Variants in CCDC175 observed in about 807,000 individuals in gnomAD.
CCDC175 encodes coiled-coil domain-containing protein 175.
CCDC175 carries 100 observed loss-of-function variants against 114.6 expected under a neutral mutation model. The observed-to-expected ratio is 0.87, with a 90% CI of 0.74 to 1.03. The LOEUF (loss-of-function observed/expected upper bound fraction) is 1.03. Ranked by LOEUF, CCDC175 falls within the 50% of genes least tolerant of loss-of-function variation. The pLI, the probability that CCDC175 is intolerant of heterozygous loss-of-function variation, is 0.00. For missense variants in CCDC175, 880 were observed against 917.8 expected (o/e 0.96, Z 0.53); for synonymous variants, 306 against 308.7 (o/e 0.99, Z 0.09).
At chr14:59,526,385 C>T (rs943678932) in intron 15 of CCDC175, among the ~76,000 whole-genome samples, 6 of 152,008 alleles carry the variant, frequency 3.9e-5, no homozygotes, top group Non-Finnish European at 5.9e-5. Flanking sequence ...GCAGGCGGAT[C>T]ACTTGAGATC....
At chr14:59,533,764 A>G (rs1186832043) in intron 13 of CCDC175, among the ~76,000 whole-genome samples, 1 of 152,010 alleles carries the variant, frequency 6.6e-6, no homozygotes, top group Non-Finnish European at 1.5e-5. Flanking sequence ...AGAGGCGGGC[A>G]GATCACAAGG....
Position 59,516,215 on chromosome 14 carries a change from G to A in CCDC175, c.2099-4412C>T, listed in dbSNP as rs561389202. Among the ~76,000 whole-genome samples, 41 of 152,194 alleles carry A rather than the reference G, an allele frequency of 2.7e-4. 1 individual carries two copies. In the South Asian group the frequency reaches 8.3e-3, roughly 31 times the overall value. ...CACTAAATGCCCACAAGAGAAAGCA[G>A]GAAAGATCTAAAATTGACACCCTAA... On this transcript the variant is annotated intron_variant, in intron 17 of 19. Coordinates refer to ENST00000537690, the MANE Select transcript of CCDC175 (RefSeq NM_001164399.2).
At chr14:59,526,269 A>G (rs956826239) in intron 15 of CCDC175, among the ~76,000 whole-genome samples, 2 of 152,128 alleles carry the variant, frequency 1.3e-5, no homozygotes, top group African/African-American at 4.8e-5. Context: ...TTTCTCCTTC[A>G]TATTTTCCTA....
chr14:59,557,471 TG>T (rs1895976991), intron 7 of CCDC175, among the ~76,000 whole-genome samples: 1 of 37,046 alleles, frequency 2.7e-5, no homozygotes, highest in African/African-American at 1.1e-4. Context: ...TGTTGTGGGG[TG>T]GGGGGAGGGG....
chr14:59,576,273 G>C (rs563698210), intron 1 of CCDC175, among the ~76,000 whole-genome samples: 1 of 152,178 alleles, frequency 6.6e-6, no homozygotes, highest in South Asian at 2.1e-4. Flanking sequence ...GTAAAGGAAC[G>C]GCAAGAAGAG....
intron 18 of CCDC175, 112 bp downstream of exon 18, chr14:59,511,648 A>ATG (rs10635523): frequency 0.99 from 768,405 of 773,330 alleles, 381,908 homozygotes; most frequent in East Asian, 1. Context: ...TTCCACCCTG[A>ATG]TGCGTGCATG....
intron 1 of CCDC175, among the ~76,000 whole-genome samples, 194 bp downstream of exon 1, chr14:59,576,425 G>A (rs1897123913): frequency 6.6e-6 from 1 of 152,136 alleles, no homozygotes; most frequent in African/African-American, 2.4e-5. Context: ...GCTGCGCTAG[G>A]GCAGGAGATC....
At chr14:59,511,549 A>AAAAAC (rs1491384961) in intron 18 of CCDC175, among the ~76,000 whole-genome samples, 31 of 3,012 alleles carry the variant, frequency 0.01, no homozygotes, top group Admixed American at 0.035. Flanking sequence ...GATATTTGGT[A>AAAAAC]AAAAAAAAAA....
rs1194625401 is a variant in CCDC175, at chr14:59,511,611, C to T, written c.2142+149G>A. ...GTGGTCACAGTAGCATCTAGGACTG[C>T]AGGGGAGTGAGAGAGCTAGTGTGAA... On this transcript the variant is annotated intron_variant, in intron 18 of 19. Coordinates refer to ENST00000537690, the MANE Select transcript of CCDC175 (RefSeq NM_001164399.2). 1.6e-5 allele frequency: 8 copies of T among 502,570 alleles called. 1 individual carries two copies. Among genetic ancestry groups the T allele is most frequent in the African/African-American group, 1.5e-4 (7 of 45,758 alleles). The allele number at this position is 502,570 out of a possible 1,614,324, so 31.1% of individuals were successfully genotyped here. A position where few individuals can be genotyped will look rare whatever the true frequency, so the allele number is the denominator to read the frequency against.
intron 17 of CCDC175, among the ~76,000 whole-genome samples, chr14:59,514,354 G>A (rs902894286): frequency 2.0e-5 from 3 of 152,042 alleles, no homozygotes; most frequent in Admixed American, 6.6e-5. Context: ...GGCTTCAGAC[G>A]ATCAAACTAC....
Position 59,511,766 on chromosome 14 carries a change from T to C in CCDC175, c.2136A>G (p.Thr712=), listed in dbSNP as rs1207224432. 3 of 1,536,572 alleles carry C rather than the reference T, an allele frequency of 2.0e-6. No homozygotes were observed. The highest frequency in any genetic ancestry group is 2.4e-5 in the East Asian group (1 of 40,908). Residue 712 remains threonine, a synonymous_variant, in exon 18 of 20, where the codon ACA becomes ACG. Transcript: ENST00000537690. The part of the protein sequence containing the change: ...YKDLWAEFQT[T]VKILVDNGEE... ...AGACACACGCAAAACTCACCTTAAC[T>C]GTGGTCTGAAATTCAGCCCACAAAT...
intron 13 of CCDC175, among the ~76,000 whole-genome samples, chr14:59,536,127 T>A (rs1462326176): frequency 5.9e-5 from 9 of 152,128 alleles, no homozygotes. Context: ...CATCTCAGCA[T>A]CTGCTTCATG....
chr14:59,532,750 T>C (rs1305169446), intron 13 of CCDC175, among the ~76,000 whole-genome samples: 1 of 152,128 alleles, frequency 6.6e-6, no homozygotes, highest in Non-Finnish European at 1.5e-5. Flanking sequence ...GACGCACAGA[T>C]GTTAGGCTCA....
intron 8 of CCDC175, among the ~76,000 whole-genome samples, chr14:59,545,795 G>A (rs903189923): frequency 6.6e-6 from 1 of 152,150 alleles, no homozygotes; most frequent in African/African-American, 2.4e-5. Context: ...AGAAAGTCAA[G>A]TTTAGCGGAA....
At chr14:59,541,600 C>A (rs35060789) in intron 10 of CCDC175, among the ~76,000 whole-genome samples, 2,840 of 152,196 alleles carry the variant, frequency 0.019, 36 homozygotes, top group Non-Finnish European at 0.03. Context: ...CAATTTCCTA[C>A]CAAAATAAAT....
chr14:59,540,673 AC>A lies in CCDC175; in HGVS notation c.1355+1del. On this transcript the variant is annotated splice_donor_variant, in intron 11 of 19. Coordinates refer to ENST00000537690, the MANE Select transcript of CCDC175 (RefSeq NM_001164399.2). LOFTEE classifies it high-confidence loss of function. ...CTTTTTTTTTTTTTTTTTTTTTTTT[AC>A]CATCTCTGACTTTCTCTTTCCAGGT... 1 of 776,618 alleles carries A rather than the reference AC, an allele frequency of 1.3e-6. No individual in the cohort carries two copies. The highest frequency in any genetic ancestry group is 1.7e-6 in the Non-Finnish European group (1 of 585,888). The allele number at this position is 776,618 out of a possible 1,614,324, so 48.1% of individuals were successfully genotyped here. A position where few individuals can be genotyped will look rare whatever the true frequency, so the allele number is the denominator to read the frequency against.
At chr14:59,527,240 AC>A in intron 14 of CCDC175, 66 bp from the exon 15 acceptor site, 1 of 841,710 alleles carries the variant, frequency 1.2e-6, no homozygotes. Context: ...TCAAAGAAGT[AC>A]CTAGTTTTAA....
chr14:59,547,746 A>C (rs1895201003), intron 8 of CCDC175, among the ~76,000 whole-genome samples: 1 of 152,216 alleles, frequency 6.6e-6, no homozygotes, highest in Non-Finnish European at 1.5e-5. Flanking sequence ...AAAGCTTCTC[A>C]ATGGTAACAG....
chr14:59,533,889 T>A (rs1340854587), intron 13 of CCDC175, among the ~76,000 whole-genome samples: 1 of 150,526 alleles, frequency 6.6e-6, no homozygotes, highest in African/African-American at 2.4e-5. Flanking sequence ...CTTGGGAGGC[T>A]GAGGCAGGAG....
Sources: gnomAD v4.1 joint callset for allele counts (sites outside exome capture counted in the v4.1 genomes callset) on GRCh38, gnomAD v4.1.1 for gene constraint, MANE v1.5 for transcripts, NCBI Gene and HGNC (gene_info 2026-07-23, HGNC 2026-07-21) for gene names.